DCC: variants seen among roughly 807,000 people sequenced by gnomAD.
DCC encodes DCC netrin 1 receptor.
A neutral mutation model predicts 172.5 loss-of-function variants in DCC; 58 were observed. That is an observed-to-expected ratio of 0.34 (90% CI 0.27 to 0.42). The LOEUF (loss-of-function observed/expected upper bound fraction) is 0.42. DCC is among the 10% of genes least tolerant of loss of function. DCC has a pLI of 1.00. For synonymous variants in DCC, 709 were observed against 644.5 expected (o/e 1.10, Z -1.52); for missense variants, 1,740 against 1,791.0 (o/e 0.97, Z 0.51).
At chr18:52,566,041 C>A (rs2033152583) in intron 1 of DCC, among the ~76,000 whole-genome samples, 1 of 152,128 alleles carries the variant, frequency 6.6e-6, no homozygotes, top group Non-Finnish European at 1.5e-5. Context: ...AGTCCAGTTT[C>A]AGTTTTCTGC....
At chr18:53,121,950 T>A (rs916788486) in intron 7 of DCC, among the ~76,000 whole-genome samples, 1 of 151,938 alleles carries the variant, frequency 6.6e-6, no homozygotes, top group African/African-American at 2.4e-5. Context: ...CAGTGATAAA[T>A]ACCCTGAGGC....
At chr18:53,312,344 AAAAAAAAAAAAAAAAAAAAG>A in intron 13 of DCC, among the ~76,000 whole-genome samples, 1 of 80,016 alleles carries the variant, frequency 1.2e-5, no homozygotes, top group Non-Finnish European at 2.3e-5. Flanking sequence ...CTGTCTCAAA[AAAAAAAAAAAAAAAAAAAAG>A]AAAAAGAAAA....
intron 1 of DCC, among the ~76,000 whole-genome samples, chr18:52,609,934 A>AT (rs1378975484): frequency 2.0e-5 from 3 of 151,576 alleles, no homozygotes. Flanking sequence ...ATTTTAAAGG[A>AT]TTTTTATCTT....
intron 20 of DCC, among the ~76,000 whole-genome samples, chr18:53,415,326 A>C (rs1321735886): frequency 6.6e-6 from 1 of 152,154 alleles, no homozygotes; most frequent in African/African-American, 2.4e-5. Context: ...AAATACGCCC[A>C]AAAGACTCAA....
At chr18:52,664,076 A>G (rs534934345) in intron 1 of DCC, among the ~76,000 whole-genome samples, 1 of 152,284 alleles carries the variant, frequency 6.6e-6, no homozygotes. Flanking sequence ...GAGCTGTGTC[A>G]GCAGATAGTT....
chr18:52,385,205 C>T (rs951039525), intron 1 of DCC, among the ~76,000 whole-genome samples: 1 of 152,042 alleles, frequency 6.6e-6, no homozygotes, highest in Non-Finnish European at 1.5e-5. Context: ...TTTTCTTGTC[C>T]CAATAAAGTG....
chr18:52,807,883 C>T (rs1159970633), intron 2 of DCC, among the ~76,000 whole-genome samples: 2 of 139,140 alleles, frequency 1.4e-5, no homozygotes, highest in Non-Finnish European at 3.2e-5. Flanking sequence ...ATCTCTCAAT[C>T]TCTCCTGGAT....
intron 3 of DCC, among the ~76,000 whole-genome samples, chr18:52,914,687 T>C (rs571330064): frequency 2.4e-4 from 37 of 152,176 alleles, no homozygotes; most frequent in African/African-American, 7.9e-4. Context: ...AATTTTTCAC[T>C]CAGAGCACAT....
chr18:52,989,389 A>G (rs1054855908), intron 5 of DCC, among the ~76,000 whole-genome samples: 2 of 151,898 alleles, frequency 1.3e-5, no homozygotes, highest in Non-Finnish European at 2.9e-5. Flanking sequence ...CGGGCATGGT[A>G]GCAGGTGCCT....
chr18:52,814,106 T>C (rs2038246369), intron 2 of DCC, among the ~76,000 whole-genome samples: 1 of 152,230 alleles, frequency 6.6e-6, no homozygotes. Flanking sequence ...CACATAGGTG[T>C]ACCCTGTTCT....
intron 27 of DCC, among the ~76,000 whole-genome samples, chr18:53,520,657 GA>G (rs1381678917): frequency 6.6e-6 from 1 of 150,786 alleles, no homozygotes; most frequent in African/African-American, 2.4e-5. Context: ...ATTGAACACT[GA>G]ATCTACACAC....
chr18:52,727,852 TA>T lies in DCC; in HGVS notation c.92-24201del, dbSNP rs1767811429. On this transcript the variant is annotated intron_variant, in intron 1 of 28. Transcript: ENST00000442544. ...TATGTTTGGATTATGGTTTTTAAAA[TA>T]TCTTTGGGTTTTGAAAACCCAGAAC... Among the ~76,000 whole-genome samples the T allele has an allele frequency of 2.6e-5, 4 of 152,298 alleles. No individual in the cohort carries two copies. In the South Asian group the frequency reaches 8.3e-4, roughly 32 times the overall value.
chr18:52,350,384 G>A (rs1279740636), intron 1 of DCC, among the ~76,000 whole-genome samples: 2 of 152,168 alleles, frequency 1.3e-5, no homozygotes, highest in African/African-American at 4.8e-5. Context: ...GGACATGGAT[G>A]AAGTTGGAAA....
In DCC at chr18:53,215,293, G is replaced by A. The variant is rs939187895; in HGVS notation, c.1862-255G>A. ...ATGGTGGTGTTTGGTATCACTGCCC[G>A]CGTTCTCTTGCGTAACAGTTTTAGG... On this transcript the variant is annotated intron_variant, in intron 11 of 28. Coordinates refer to ENST00000442544, the MANE Select transcript of DCC (RefSeq NM_005215.4). Among the ~76,000 whole-genome samples, 2 of 151,848 alleles carry A rather than the reference G, an allele frequency of 1.3e-5. 1 individual carries two copies. The highest frequency in any genetic ancestry group is 4.2e-4 in the South Asian group (2 of 4,806).
intron 1 of DCC, among the ~76,000 whole-genome samples, chr18:52,617,868 T>G (rs1171191100): frequency 6.6e-6 from 1 of 152,208 alleles, no homozygotes; most frequent in South Asian, 2.1e-4. Context: ...TTAATGGACT[T>G]CATTTTGAAA....
chr18:52,821,316 G>T (rs994335536), intron 2 of DCC, among the ~76,000 whole-genome samples: 4 of 152,156 alleles, frequency 2.6e-5, no homozygotes, highest in Non-Finnish European at 5.9e-5. Flanking sequence ...TCCAACCGAG[G>T]TGTATTCCTC....
At chr18:52,885,609 C>T (rs149786905) in intron 2 of DCC, among the ~76,000 whole-genome samples, 95 of 152,240 alleles carry the variant, frequency 6.2e-4, no homozygotes, top group African/African-American at 2.1e-3. Context: ...AGATTATATG[C>T]CTGGACTCAG....
At chr18:53,457,646 A>T (rs1435769091) in intron 23 of DCC, among the ~76,000 whole-genome samples, 1 of 152,202 alleles carries the variant, frequency 6.6e-6, no homozygotes, top group East Asian at 1.9e-4. Context: ...GTTGCAGATC[A>T]GTTTGCCGTG....
intron 15 of DCC, among the ~76,000 whole-genome samples, chr18:53,352,295 T>C (rs1568076169): frequency 6.6e-6 from 1 of 152,138 alleles, no homozygotes; most frequent in Non-Finnish European, 1.5e-5. Flanking sequence ...GCTGGATTCA[T>C]AGCCAACTTG....
Sources: gnomAD v4.1 joint callset for allele counts (sites outside exome capture counted in the v4.1 genomes callset) on GRCh38, gnomAD v4.1.1 for gene constraint, MANE v1.5 for transcripts, NCBI Gene and HGNC (gene_info 2026-07-23, HGNC 2026-07-21) for gene names.